Variants in PCDH7 observed in about 807,000 individuals in gnomAD.
PCDH7 encodes protocadherin-7.
Under a neutral mutation model 58.9 loss-of-function variants are expected in PCDH7, and 17 were observed. That is an observed-to-expected ratio of 0.29 (90% CI 0.20 to 0.43). The LOEUF is 0.43. Among genes scored for constraint, PCDH7 ranks in the 20% least tolerant of loss-of-function variants. The probability of loss-of-function intolerance (pLI) is 1.00; values close to 1 mark genes in which losing one functional copy is unlikely to be tolerated. For missense variants in PCDH7, 1,274 were observed against 1,441.0 expected (o/e 0.88, Z 1.88); for synonymous variants, 664 against 616.4 (o/e 1.08, Z -1.14).
intron 1 of PCDH7, among the ~76,000 whole-genome samples, chr4:30,919,262 G>C (rs1011326862): frequency 4.6e-5 from 7 of 151,764 alleles, no homozygotes; most frequent in Non-Finnish European, 4.4e-5. Context: ...TCAATACATG[G>C]CATTGGTTTG....
chr4:30,942,690 G>T (rs1283274782), intron 2 of PCDH7, among the ~76,000 whole-genome samples: 3 of 151,886 alleles, frequency 2.0e-5, no homozygotes, highest in Admixed American at 2.0e-4. Context: ...GAGTAACCCA[G>T]GTTAAGAACA....
At chr4:30,868,408 G>A (rs1735145395) in intron 1 of PCDH7, among the ~76,000 whole-genome samples, 2 of 152,056 alleles carry the variant, frequency 1.3e-5, no homozygotes, top group African/African-American at 2.4e-5. Context: ...TAAGTTCCTT[G>A]CTGAATTGTC....
intron 3 of PCDH7, among the ~76,000 whole-genome samples, chr4:30,969,343 C>G (rs1481258477): frequency 6.6e-6 from 1 of 152,116 alleles, no homozygotes; most frequent in South Asian, 2.1e-4. Flanking sequence ...AAGAAAGAAG[C>G]TTGATTTTGT....
At chr4:30,757,306 A>G (rs1719434123) in intron 1 of PCDH7, among the ~76,000 whole-genome samples, 2 of 152,118 alleles carry the variant, frequency 1.3e-5, no homozygotes, top group Admixed American at 6.6e-5. Flanking sequence ...AAAAAAATAG[A>G]TCTTGCTTTC....
chr4:31,123,250 G>C (rs900187083), intron 3 of PCDH7, among the ~76,000 whole-genome samples: 3 of 151,950 alleles, frequency 2.0e-5, no homozygotes, highest in Non-Finnish European at 4.4e-5. Flanking sequence ...ATTTTTGCCA[G>C]GAAAGAGGGT....
At chr4:30,785,090 T>C (rs1723230029) in intron 1 of PCDH7, among the ~76,000 whole-genome samples, 1 of 151,992 alleles carries the variant, frequency 6.6e-6, no homozygotes, top group Non-Finnish European at 1.5e-5. Flanking sequence ...GACCACATGG[T>C]AGCCTTGTAT....
rs150864601 is a variant in PCDH7 at position 30,741,298 on chromosome 4, C to T, written c.70+16702C>T. On this transcript the variant is annotated intron_variant, in intron 1 of 3. Coordinates refer to the PCDH7 transcript ENST00000509759. ...GTGTGTCACTCGGGCTCAGGTGATT[C>T]TCCCACCTCAGCCTCCCAAATAACT... 7.0e-3 allele frequency among the ~76,000 whole-genome samples: 1,066 copies of T among 151,218 alleles called. 10 individuals carry two copies. Among genetic ancestry groups the T allele is most frequent in the African/African-American group, 0.024 (982 of 41,164 alleles).
At position 30,785,509 on chromosome 4, in the gene PCDH7, A is replaced by G. The variant is rs115081220; in HGVS notation, c.70+60913A>G. Among the ~76,000 whole-genome samples, 698 of 152,214 alleles carry G rather than the reference A, an allele frequency of 4.6e-3. 5 individuals carry two copies. The highest frequency in any genetic ancestry group is 0.016 in the African/African-American group (660 of 41,576). On this transcript the variant is annotated intron_variant, in intron 1 of 3. Transcript: ENST00000509759. ...ACAAAAAGATATTGTTTTTATTTCT[A>G]GAAGAAGACACCATTTACATTTTAA...
intron 3 of PCDH7, among the ~76,000 whole-genome samples, chr4:31,024,374 T>C (rs1330461262): frequency 6.6e-6 from 1 of 152,202 alleles, no homozygotes; most frequent in Admixed American, 6.5e-5. Context: ...TACAGGTTAC[T>C]ATTCAATGTT....
intron 1 of PCDH7, among the ~76,000 whole-genome samples, chr4:30,854,302 A>G (rs1733163194): frequency 6.8e-6 from 1 of 147,628 alleles, no homozygotes; most frequent in Non-Finnish European, 1.5e-5. Flanking sequence ...TACATACTAG[A>G]TGCCAGTAGT....
At chr4:30,869,086 A>G (rs1387556704) in intron 1 of PCDH7, 1 of 152,096 alleles carries the variant, frequency 6.6e-6, no homozygotes, top group Non-Finnish European at 1.5e-5. Flanking sequence ...AAATACCACA[A>G]GGTAGTGTGC....
intron 1 of PCDH7, among the ~76,000 whole-genome samples, chr4:30,844,025 A>C (rs1351262142): frequency 2.6e-5 from 4 of 152,214 alleles, no homozygotes; most frequent in Non-Finnish European, 4.4e-5. Flanking sequence ...AATTACTTGC[A>C]CTGTATGGTT....
At chr4:31,003,637 G>A (rs1219239694) in intron 3 of PCDH7, among the ~76,000 whole-genome samples, 1 of 152,078 alleles carries the variant, frequency 6.6e-6, no homozygotes, top group African/African-American at 2.4e-5. Flanking sequence ...GCCAGGCACG[G>A]TGGCTCACAC....
At chr4:31,034,562 A>G (rs1427955654) in intron 3 of PCDH7, among the ~76,000 whole-genome samples, 1 of 152,224 alleles carries the variant, frequency 6.6e-6, no homozygotes, top group Non-Finnish European at 1.5e-5. Context: ...AATTTCAGAT[A>G]AACATCAGAA....
chr4:30,913,406 CT>C (rs1208492204), intron 1 of PCDH7, among the ~76,000 whole-genome samples: 1 of 151,964 alleles, frequency 6.6e-6, no homozygotes, highest in South Asian at 2.1e-4. Context: ...AAAATATGGA[CT>C]TTTTTGAAAA....
At chr4:30,855,224 A>G (rs1177207370) in intron 1 of PCDH7, among the ~76,000 whole-genome samples, 1 of 152,160 alleles carries the variant, frequency 6.6e-6, no homozygotes, top group African/African-American at 2.4e-5. Context: ...AGCCTGAGTT[A>G]GGGAAAGCAC....
intron 2 of PCDH7, among the ~76,000 whole-genome samples, chr4:30,949,187 TA>T (rs1477727163): frequency 3.9e-5 from 6 of 152,168 alleles, no homozygotes; most frequent in Non-Finnish European, 7.4e-5. Context: ...CTTCATAAAA[TA>T]CACATCTATT....
At chr4:30,960,119 AAGGAAGG>A (rs1438712669) in intron 3 of PCDH7, among the ~76,000 whole-genome samples, 1 of 71,066 alleles carries the variant, frequency 1.4e-5, no homozygotes, top group Non-Finnish European at 2.6e-5. Flanking sequence ...GGAGGGAAGG[AAGGAAGG>A]AAGGAAGGAA....
At chr4:30,730,701 T>C in intron 1 of PCDH7, 1 of 1,432,312 alleles carries the variant, frequency 7.0e-7, no homozygotes, top group South Asian at 1.3e-5. Context: ...TGGGGAAAAT[T>C]TCTTTATCGA....
Sources: gnomAD v4.1 joint callset for allele counts (sites outside exome capture counted in the v4.1 genomes callset) on GRCh38, gnomAD v4.1.1 for gene constraint, MANE v1.5 for transcripts, NCBI Gene and HGNC (gene_info 2026-07-23, HGNC 2026-07-21) for gene names.